Variants in ATG10 observed in about 807,000 individuals in gnomAD.
The protein encoded by ATG10 is autophagy related 10, also known as ubiquitin-like-conjugating enzyme ATG10.
Under a neutral mutation model 32.1 loss-of-function variants are expected in ATG10, and 30 were observed. The ratio of observed to expected loss-of-function variants is 0.94; its 90% confidence interval spans 0.70 to 1.27. ATG10 has a LOEUF of 1.27. Among genes scored for constraint, ATG10 ranks in the 50% most tolerant of loss-of-function variants. The pLI, the probability that ATG10 is intolerant of heterozygous loss-of-function variation, is 0.00. For synonymous variants in ATG10, 87 were observed against 91.5 expected (o/e 0.95, Z 0.28); for missense variants, 233 against 262.3 (o/e 0.89, Z 0.77).
rs58272693 is a variant in ATG10 at position 82,208,259 on chromosome 5, CTT to C, written c.453+29682_453+29683del. ...CAGCAAAAAAAGTTTCCTAACTATT[CTT>C]TTTTTTTTTCCTTGCCTATGCTGGA... On this transcript the variant is annotated intron_variant, in intron 5 of 7. Transcript: ENST00000282185. 3.4e-5 allele frequency among the ~76,000 whole-genome samples: 5 copies of C among 148,746 alleles called. No individual in the cohort carries two copies. The South Asian group carries it at 6.4e-4, about 19-fold the overall frequency.
chr5:82,034,988 G>A (rs963942489), intron 2 of ATG10, among the ~76,000 whole-genome samples: 1 of 151,798 alleles, frequency 6.6e-6, no homozygotes, highest in African/African-American at 2.4e-5. Flanking sequence ...GTGTGACCTC[G>A]GCTCACTCAG....
intron 1 of ATG10, among the ~76,000 whole-genome samples, chr5:81,984,616 C>A (rs1386715677): frequency 6.6e-6 from 1 of 152,194 alleles, no homozygotes; most frequent in East Asian, 1.9e-4. Flanking sequence ...AAGGATTATT[C>A]TTGCCATTAT....
At chr5:81,974,525 C>T (rs1273836731) in intron 1 of ATG10, among the ~76,000 whole-genome samples, 2 of 152,176 alleles carry the variant, frequency 1.3e-5, no homozygotes, top group East Asian at 1.9e-4. Context: ...ACCTTTTTAT[C>T]ATCTCTTCTG....
At chr5:82,252,800 A>T in intron 6 of ATG10, 141 bp downstream of exon 6, 2 of 601,420 alleles carry the variant, frequency 3.3e-6, no homozygotes, top group South Asian at 4.6e-5. Context: ...GATATGCTAG[A>T]TGCTGTTCTA....
chr5:82,084,378 G>A (rs577822987), intron 3 of ATG10, among the ~76,000 whole-genome samples: 1 of 152,280 alleles, frequency 6.6e-6, no homozygotes, highest in Admixed American at 6.5e-5. Flanking sequence ...AAAGTGACAG[G>A]GAGAATGGAA....
At chr5:81,989,433 G>A (rs755009011) in intron 2 of ATG10, among the ~76,000 whole-genome samples, 7 of 152,134 alleles carry the variant, frequency 4.6e-5, no homozygotes, top group Non-Finnish European at 1.0e-4. Context: ...ATAGTTCAGA[G>A]GGAGGGTCGA....
chr5:82,192,679 G>A (rs1276391352), intron 5 of ATG10, among the ~76,000 whole-genome samples: 1 of 152,086 alleles, frequency 6.6e-6, no homozygotes, highest in Non-Finnish European at 1.5e-5. Flanking sequence ...TAGCATTGTG[G>A]GGCACATAGT....
intron 1 of ATG10, among the ~76,000 whole-genome samples, chr5:81,983,999 G>A (rs1303111550): frequency 6.6e-6 from 1 of 152,194 alleles, no homozygotes; most frequent in Non-Finnish European, 1.5e-5. Flanking sequence ...GCCGGGCAGA[G>A]ACGCTCCTCA....
intron 5 of ATG10, among the ~76,000 whole-genome samples, chr5:82,228,870 TTA>T (rs1429712699): frequency 1.3e-5 from 2 of 152,188 alleles, no homozygotes; most frequent in African/African-American, 4.8e-5. Flanking sequence ...AGGCATAAAA[TTA>T]TCTTTATAAT....
chr5:82,247,945 A>C (rs182399965), intron 5 of ATG10, among the ~76,000 whole-genome samples: 82 of 152,184 alleles, frequency 5.4e-4, no homozygotes, highest in African/African-American at 1.7e-3. Flanking sequence ...AGGGTTATCC[A>C]GCTATGTCTG....
intron 5 of ATG10, among the ~76,000 whole-genome samples, chr5:82,227,343 A>G (rs1234188201): frequency 6.6e-6 from 1 of 151,892 alleles, no homozygotes; most frequent in East Asian, 1.9e-4. Flanking sequence ...CCAGGTCCCA[A>G]TTCACACACA....
chr5:82,193,887 C>T lies in ATG10; in HGVS notation c.453+15300C>T, dbSNP rs1335116267. Among the ~76,000 whole-genome samples, 3 of 152,154 alleles carry T rather than the reference C, an allele frequency of 2.0e-5. No individual in the cohort carries two copies. In the East Asian group the frequency reaches 5.8e-4, roughly 29 times the overall value. Reference sequence around the variant, plus strand: ...CAACAGTGATAGTTTCTTGGATATGCAAATGACAGTTCTCCTTGGACTTTG... The same window carrying T: ...CAACAGTGATAGTTTCTTGGATATGTAAATGACAGTTCTCCTTGGACTTTG... On this transcript the variant is annotated intron_variant, in intron 5 of 7. Coordinates refer to ENST00000282185, the MANE Select transcript of ATG10 (RefSeq NM_031482.5).
At chr5:82,220,553 C>G (rs1463982018) in intron 5 of ATG10, among the ~76,000 whole-genome samples, 1 of 151,920 alleles carries the variant, frequency 6.6e-6, no homozygotes, top group African/African-American at 2.4e-5. Context: ...TGAGCTACCG[C>G]GCCTGGCTGG....
intron 5 of ATG10, among the ~76,000 whole-genome samples, chr5:82,250,839 A>T (rs1225750163): frequency 6.6e-6 from 1 of 152,242 alleles, no homozygotes; most frequent in Non-Finnish European, 1.5e-5. Context: ...ATTGATTAAT[A>T]TATGTTGAAT....
rs1554056727 is a variant in ATG10 at position 82,197,760 on chromosome 5, A to ATCTATCTG, written c.453+19180_453+19181insGTCTATCT. Reference sequence around the variant, plus strand: ...TATCTATCTATCTATCTATCTATCTATCTATCTATCTATCTCTATAGATAA... The same window carrying ATCTATCTG: ...TATCTATCTATCTATCTATCTATCTATCTATCTGTCTATCTATCTATCTCTATAGATAA... On this transcript the variant is annotated intron_variant, in intron 5 of 7. Transcript: ENST00000282185. 4.4e-4 allele frequency among the ~76,000 whole-genome samples: 65 copies of ATCTATCTG among 147,382 alleles called. 1 individual carries two copies. The highest frequency in any genetic ancestry group is 1.6e-3 in the African/African-American group (62 of 38,302).
chr5:82,247,370 A>G (rs1747080196), intron 5 of ATG10, among the ~76,000 whole-genome samples: 1 of 151,972 alleles, frequency 6.6e-6, no homozygotes, highest in Non-Finnish European at 1.5e-5. Context: ...CTATTAATAT[A>G]CTTTCAAATC....
intron 3 of ATG10, among the ~76,000 whole-genome samples, chr5:82,089,968 C>T (rs1019543780): frequency 6.6e-6 from 1 of 151,114 alleles, no homozygotes; most frequent in Non-Finnish European, 1.5e-5. Flanking sequence ...ATATAGATGA[C>T]AAGCACATGA....
chr5:82,149,574 C>T (rs1002656515), intron 3 of ATG10, among the ~76,000 whole-genome samples: 2 of 151,690 alleles, frequency 1.3e-5, no homozygotes, highest in African/African-American at 4.8e-5. Context: ...TAAAACCACA[C>T]TACTACTGTT....
chr5:82,142,238 T>A (rs1767180765), intron 3 of ATG10, among the ~76,000 whole-genome samples: 1 of 152,204 alleles, frequency 6.6e-6, no homozygotes, highest in African/African-American at 2.4e-5. Context: ...CAGACTCATA[T>A]ATAAATAATG....
Sources: gnomAD v4.1 joint callset for allele counts (sites outside exome capture counted in the v4.1 genomes callset) on GRCh38, gnomAD v4.1.1 for gene constraint, MANE v1.5 for transcripts, NCBI Gene and HGNC (gene_info 2026-07-23, HGNC 2026-07-21) for gene names.